GRIN2A: variants seen among roughly 807,000 people sequenced by gnomAD.
GRIN2A encodes glutamate receptor ionotropic, NMDA 2A.
A neutral mutation model predicts 113.4 loss-of-function variants in GRIN2A; 22 were observed. The ratio of observed to expected loss-of-function variants is 0.19; its 90% CI spans 0.14 to 0.28. GRIN2A has a LOEUF of 0.28. Among genes scored for constraint, GRIN2A ranks in the 10% least tolerant of loss-of-function variants. The pLI, the probability that GRIN2A is intolerant of heterozygous loss-of-function variation, is 1.00. For synonymous variants in GRIN2A, 827 were observed against 738.4 expected (o/e 1.12, Z -1.94); for missense variants, 1,502 against 1,887.0 (o/e 0.80, Z 3.78).
intron 2 of GRIN2A, among the ~76,000 whole-genome samples, chr16:10,069,667 A>G (rs994266882): frequency 2.0e-5 from 3 of 152,264 alleles, no homozygotes; most frequent in African/African-American, 7.2e-5. Flanking sequence ...TGAGCAGAAC[A>G]AAGTACATCA....
At chr16:10,142,019 G>A (rs1317998866) in intron 2 of GRIN2A, among the ~76,000 whole-genome samples, 1 of 152,168 alleles carries the variant, frequency 6.6e-6, no homozygotes, top group Non-Finnish European at 1.5e-5. Flanking sequence ...CACTCAACAG[G>A]GATATGTTTC....
At chr16:9,923,146 T>G (rs376759803) in intron 3 of GRIN2A, among the ~76,000 whole-genome samples, 31 of 152,294 alleles carry the variant, frequency 2.0e-4, no homozygotes, top group African/African-American at 7.0e-4. Context: ...TTTGAAGCTA[T>G]ACTAGATGCA....
chr16:9,757,359 T>A lies in GRIN2A; in HGVS notation c.*5790A>T. 1 of 146,362 alleles carries A rather than the reference T, an allele frequency of 6.8e-6. No homozygotes were observed. Among genetic ancestry groups the A allele is most frequent in the South Asian group, 2.3e-4 (1 of 4,398 alleles). The allele number at this position is 146,362 out of a possible 1,614,324, so 9.1% of individuals were successfully genotyped here. ...GTTACTTAAAGGTTTAGGGAAGGAC[T>A]TTTTTTTTTTTTTTAAAAAAGGTAT... On this transcript the variant is annotated 3_prime_UTR_variant, in exon 13 of 13. Transcript: ENST00000330684.
chr16:9,852,774 T>C (rs1430457854), intron 4 of GRIN2A, among the ~76,000 whole-genome samples: 1 of 152,234 alleles, frequency 6.6e-6, no homozygotes, highest in Non-Finnish European at 1.5e-5. Flanking sequence ...CATTCTTCAC[T>C]TTCCCTGCCT....
At chr16:10,072,819 A>G (rs1218618210) in intron 2 of GRIN2A, among the ~76,000 whole-genome samples, 1 of 152,088 alleles carries the variant, frequency 6.6e-6, no homozygotes, top group East Asian at 1.9e-4. Flanking sequence ...GTGCTCACTG[A>G]AGTTTGGGAC....
intron 3 of GRIN2A, among the ~76,000 whole-genome samples, chr16:9,902,394 C>A (rs894601626): frequency 1.1e-4 from 17 of 152,342 alleles, no homozygotes; most frequent in African/African-American, 4.1e-4. Flanking sequence ...GTGGAAGCCA[C>A]TGGCTGAGGG....
intron 2 of GRIN2A, among the ~76,000 whole-genome samples, chr16:10,098,112 A>G (rs192919548): frequency 2.0e-4 from 31 of 152,294 alleles, no homozygotes; most frequent in Admixed American, 1.4e-3. Flanking sequence ...CAATTAGCAA[A>G]CAAATTAGCA....
chr16:10,149,570 C>T (rs1284492321), intron 2 of GRIN2A, among the ~76,000 whole-genome samples: 1 of 152,160 alleles, frequency 6.6e-6, no homozygotes, highest in East Asian at 1.9e-4. Context: ...TGTTACTCCG[C>T]ACATCAAATC....
At chr16:10,097,574 G>C (rs58142870) in intron 2 of GRIN2A, among the ~76,000 whole-genome samples, 29,790 of 151,988 alleles carry the variant, frequency 0.2, 3,366 homozygotes, top group African/African-American at 0.31. Context: ...TGAAACCCAG[G>C]GACTGGAAAG....
At chr16:10,087,725 T>G (rs1293692148) in intron 2 of GRIN2A, among the ~76,000 whole-genome samples, 1 of 152,198 alleles carries the variant, frequency 6.6e-6, no homozygotes, top group African/African-American at 2.4e-5. Flanking sequence ...GGTCTTACTC[T>G]GTGACCCAGG....
chr16:9,924,110 CAAAAAAAAAAAAAAAAAAA>C (rs921695456), intron 3 of GRIN2A, among the ~76,000 whole-genome samples: 13 of 18,208 alleles, frequency 7.1e-4, no homozygotes, highest in Non-Finnish European at 1.4e-3. Flanking sequence ...GACTTGGTCT[CAAAAAAAAAAAAAAAAAAA>C]AAAAAAAAAA....
At chr16:9,985,019 C>T (rs2045954687) in intron 2 of GRIN2A, among the ~76,000 whole-genome samples, 1 of 152,112 alleles carries the variant, frequency 6.6e-6, no homozygotes, top group Admixed American at 6.6e-5. Flanking sequence ...CACATGTGGA[C>T]ACACACTCAT....
chr16:10,109,424 G>A (rs1296288905), intron 2 of GRIN2A, among the ~76,000 whole-genome samples: 18 of 151,902 alleles, frequency 1.2e-4, no homozygotes, highest in Non-Finnish European at 7.4e-5. Context: ...CATGTTATGA[G>A]GATAGTATTA....
At chr16:10,009,545 G>C (rs551414620) in intron 2 of GRIN2A, among the ~76,000 whole-genome samples, 1 of 152,216 alleles carries the variant, frequency 6.6e-6, no homozygotes, top group African/African-American at 2.4e-5. Flanking sequence ...ACTCAGACCA[G>C]GAAAGGCAGT....
intron 12 of GRIN2A, among the ~76,000 whole-genome samples, chr16:9,765,559 G>A (rs7202950): frequency 0.37 from 56,426 of 151,982 alleles, 10,731 homozygotes; most frequent in Non-Finnish European, 0.41. Context: ...ACTCTTTGAG[G>A]GGGGGATAGA....
intron 5 of GRIN2A, among the ~76,000 whole-genome samples, chr16:9,841,968 G>A (rs996109562): frequency 3.2e-4 from 49 of 152,176 alleles, no homozygotes; most frequent in African/African-American, 1.0e-3. Flanking sequence ...AAAAAGAAAG[G>A]AGGCCGGGTA....
intron 2 of GRIN2A, among the ~76,000 whole-genome samples, chr16:10,178,884 G>T (rs117667245): frequency 0.01 from 1,581 of 152,298 alleles, 11 homozygotes; most frequent in East Asian, 0.048. Context: ...CTCCAAGAAG[G>T]TCTCAGGGCT....
At chr16:9,781,776 A>C (rs1325304613) in intron 11 of GRIN2A, among the ~76,000 whole-genome samples, 1 of 152,216 alleles carries the variant, frequency 6.6e-6, no homozygotes, top group Admixed American at 6.5e-5. Context: ...GTTCAAAAGA[A>C]AAAAGAAATA....
At chr16:10,150,890 T>C (rs573839548) in intron 2 of GRIN2A, among the ~76,000 whole-genome samples, 2 of 152,328 alleles carry the variant, frequency 1.3e-5, no homozygotes, top group East Asian at 1.9e-4. Context: ...GTAGAGATCA[T>C]GTCCATCTTG....
Sources: allele counts gnomAD v4.1 joint callset (sites outside exome capture counted in the v4.1 genomes callset), GRCh38; gene constraint gnomAD v4.1.1; transcripts MANE v1.5; gene names NCBI Gene and HGNC (gene_info 2026-07-23, HGNC 2026-07-21).